The following SIPA1L2 variants were observed in gnomAD, a reference collection of about 807,000 sequenced individuals.
The protein encoded by SIPA1L2 is signal induced proliferation associated 1 like 2.
A neutral mutation model predicts 163.9 loss-of-function variants in SIPA1L2; 56 were observed. That is an observed-to-expected ratio of 0.34 (90% CI 0.28 to 0.43). The LOEUF is 0.43. Among genes scored for constraint, SIPA1L2 ranks in the 20% least tolerant of loss-of-function variants. The pLI is 1.00. For synonymous variants in SIPA1L2, 877 were observed against 865.7 expected, an observed-to-expected ratio of 1.01 and a Z score of -0.23; for missense variants, 1,974 against 2,193.5, an observed-to-expected ratio of 0.90 and a Z score of 2.00.
intron 1 of SIPA1L2, among the ~76,000 whole-genome samples, chr1:232,624,504 C>T (rs966182849): frequency 1.3e-5 from 2 of 152,188 alleles, no homozygotes; most frequent in Non-Finnish European, 2.9e-5. Context: ...TTTAAAACTC[C>T]ACACAATAGT....
chr1:232,451,048 T>G (rs1261702266), intron 10 of SIPA1L2, among the ~76,000 whole-genome samples: 2 of 152,212 alleles, frequency 1.3e-5, no homozygotes, highest in Non-Finnish European at 2.9e-5. Context: ...AAAATCAAAC[T>G]AATTTTGTTA....
intron 2 of SIPA1L2, among the ~76,000 whole-genome samples, chr1:232,538,169 G>A (rs1657424289): frequency 6.6e-6 from 1 of 152,194 alleles, no homozygotes; most frequent in African/African-American, 2.4e-5. Context: ...TTTGGCACAG[G>A]TGGGATCACG....
intron 3 of SIPA1L2, among the ~76,000 whole-genome samples, chr1:232,498,373 A>G (rs6674415): frequency 0.16 from 24,918 of 152,208 alleles, 2,451 homozygotes; most frequent in Middle Eastern, 0.29. Flanking sequence ...TGAAGTATTT[A>G]TAAAACTGAG....
At chr1:232,528,406 C>CA (rs1334363538) in intron 2 of SIPA1L2, among the ~76,000 whole-genome samples, 1 of 152,048 alleles carries the variant, frequency 6.6e-6, no homozygotes, top group Non-Finnish European at 1.5e-5. Context: ...CGCAGGTTCT[C>CA]AAATTTACAC....
chr1:232,580,862 A>C (rs1660336086), intron 1 of SIPA1L2, among the ~76,000 whole-genome samples: 1 of 152,204 alleles, frequency 6.6e-6, no homozygotes, highest in Non-Finnish European at 1.5e-5. Context: ...AATATGTCAA[A>C]GTATATTTCA....
At chr1:232,471,726 ATTTAAG>A (rs1292873413) in intron 7 of SIPA1L2, among the ~76,000 whole-genome samples, 198 bp from the exon 8 acceptor site, 3 of 152,210 alleles carry the variant, frequency 2.0e-5, no homozygotes, top group Admixed American at 6.5e-5. Context: ...AAGCCTAAAT[ATTTAAG>A]TTTATCTCTT....
intron 7 of SIPA1L2, among the ~76,000 whole-genome samples, chr1:232,477,732 G>A (rs988056438): frequency 6.6e-6 from 1 of 152,104 alleles, no homozygotes; most frequent in Non-Finnish European, 1.5e-5. Context: ...CATAAAACTC[G>A]AATGCCTACA....
intron 3 of SIPA1L2, 61 bp from the exon 4 acceptor site, chr1:232,493,721 A>G (rs1666043413): frequency 6.3e-7 from 1 of 1,592,232 alleles, no homozygotes; most frequent in African/African-American, 1.3e-5. Context: ...AGCAGGATGG[A>G]TATCTCTCAG....
At chr1:232,599,546 A>C (rs1248431171) in intron 1 of SIPA1L2, among the ~76,000 whole-genome samples, 3 of 143,574 alleles carry the variant, frequency 2.1e-5, no homozygotes, top group Non-Finnish European at 4.7e-5. Context: ...CACAGTGCAG[A>C]TCCTGTGTGC....
chr1:232,628,191 G>A (rs1334954465), intron 1 of SIPA1L2, among the ~76,000 whole-genome samples: 2 of 152,186 alleles, frequency 1.3e-5, no homozygotes, highest in African/African-American at 4.8e-5. Context: ...GGGCTATTGT[G>A]CTTGTCATAA....
Position 232,600,233 on chromosome 1 carries a change from CA to C in SIPA1L2, c.-318-26012del, listed in dbSNP as rs961077045. The stretch of plus-strand genomic sequence containing the variant: ...GGGGCAGTGTTGGTGACACAGTTAA[CA>C]AAAAAAAAAATTCTTTTTCATTTCT... On this transcript the variant is annotated intron_variant, in intron 1 of 22. Transcript: ENST00000674635. Among the ~76,000 whole-genome samples, 828 of 145,066 alleles carry C rather than the reference CA, an allele frequency of 5.7e-3. 6 individuals carry two copies. Among genetic ancestry groups the C allele is most frequent in the African/African-American group, 0.018 (701 of 39,734 alleles).
chr1:232,403,663 T>A (rs1381923896), intron 20 of SIPA1L2, 92 bp from the exon 21 acceptor site: 1 of 1,456,660 alleles, frequency 6.9e-7, no homozygotes, highest in Non-Finnish European at 9.2e-7. Context: ...AAATAAAATC[T>A]TTTCCCCCCT....
intron 7 of SIPA1L2, among the ~76,000 whole-genome samples, chr1:232,475,609 A>G (rs1665007939): frequency 6.6e-6 from 1 of 152,210 alleles, no homozygotes; most frequent in Non-Finnish European, 1.5e-5. Flanking sequence ...ACCTCCTGCA[A>G]AAAAGTGAAT....
At chr1:232,553,009 A>G (rs546580622) in intron 2 of SIPA1L2, among the ~76,000 whole-genome samples, 1 of 152,256 alleles carries the variant, frequency 6.6e-6, no homozygotes, top group East Asian at 1.9e-4. Context: ...CCATCTGCAG[A>G]CGGCCTAAGT....
In SIPA1L2 at chr1:232,524,129, T is replaced by C. The variant is rs148157228; in HGVS notation, c.-269-8521A>G. 1.4e-3 allele frequency among the ~76,000 whole-genome samples: 215 copies of C among 152,332 alleles called. 2 individuals are homozygous for C. Among genetic ancestry groups the C allele is most frequent in the African/African-American group, 4.9e-3 (204 of 41,568 alleles). On this transcript the variant is annotated intron_variant, in intron 2 of 22. Coordinates refer to ENST00000674635, the MANE Select transcript of SIPA1L2 (RefSeq NM_020808.5). ...TATTGTCTGATATAAAAAAACCCTC[T>C]TGTTACTTCAGTAAATCAACGTATT...
chr1:232,605,454 G>A (rs1469257546), intron 1 of SIPA1L2, among the ~76,000 whole-genome samples: 1 of 152,176 alleles, frequency 6.6e-6, no homozygotes, highest in Non-Finnish European at 1.5e-5. Context: ...CAGAACTTTG[G>A]GAGGCCGAAA....
chr1:232,432,594 G>A lies in SIPA1L2; in HGVS notation c.4032-123C>T. Reference sequence around the variant, plus strand: ...CTCCGAGAGCAAAATCGGGCCCAGTGAGGCAGATGGAGCCTTCTTTCTACC... The same window carrying A: ...CTCCGAGAGCAAAATCGGGCCCAGTAAGGCAGATGGAGCCTTCTTTCTACC... On this transcript the variant is annotated intron_variant, in intron 15 of 22. Transcript: ENST00000674635. 4 of 787,176 alleles carry A rather than the reference G, an allele frequency of 5.1e-6. No individual in the cohort carries two copies. The South Asian group carries it at 7.2e-5, about 14-fold the overall frequency. The allele number at this position is 787,176 out of a possible 1,614,324, so 48.8% of individuals were successfully genotyped here.
intron 9 of SIPA1L2, chr1:232,462,232 C>T (rs1263409145): frequency 1.9e-6 from 3 of 1,550,870 alleles, no homozygotes; most frequent in East Asian, 2.4e-5. Context: ...AACATGGGCT[C>T]ATTAAGTATC....
At chr1:232,579,122 CTT>C (rs987952515) in intron 1 of SIPA1L2, among the ~76,000 whole-genome samples, 9 of 152,282 alleles carry the variant, frequency 5.9e-5, no homozygotes, top group Non-Finnish European at 1.0e-4. Context: ...AGGTCTGGCT[CTT>C]TGTTCTTACC....
Sources: gnomAD v4.1 joint callset for allele counts (sites outside exome capture counted in the v4.1 genomes callset) on GRCh38, gnomAD v4.1.1 for gene constraint, MANE v1.5 for transcripts, NCBI Gene and HGNC (gene_info 2026-07-23, HGNC 2026-07-21) for gene names.